Variants in AGBL4 observed in about 807,000 individuals in gnomAD.
AGBL4 encodes the protein cytosolic carboxypeptidase 6.
AGBL4 carries 58 observed loss-of-function variants against 66.4 expected under a neutral mutation model. The observed-to-expected ratio is 0.87, with a 90% confidence interval of 0.71 to 1.09. The LOEUF is 1.09. Among genes scored for constraint, AGBL4 ranks in the 50% least tolerant of loss-of-function variants. AGBL4 has a pLI of 0.00. For synonymous variants in AGBL4, 234 were observed against 222.9 expected (o/e 1.05, Z -0.44); for missense variants, 579 against 631.0 (o/e 0.92, Z 0.88).
chr1:48,713,269 T>A (rs1195934877), intron 6 of AGBL4, among the ~76,000 whole-genome samples: 1 of 152,106 alleles, frequency 6.6e-6, no homozygotes, highest in Non-Finnish European at 1.5e-5. Flanking sequence ...AGAAAGATGG[T>A]TCCTGGGCTG....
intron 3 of AGBL4, among the ~76,000 whole-genome samples, chr1:49,375,844 C>T (rs893061976): frequency 6.6e-6 from 1 of 152,032 alleles, no homozygotes; most frequent in Admixed American, 6.6e-5. Context: ...TCACGCAAGG[C>T]CTTCTCTGCC....
intron 6 of AGBL4, among the ~76,000 whole-genome samples, chr1:48,679,866 T>C (rs1646426649): frequency 1.3e-5 from 2 of 152,234 alleles, no homozygotes; most frequent in Non-Finnish European, 2.9e-5. Flanking sequence ...CCCACCCTGA[T>C]CTCTGCGGCC....
At chr1:49,423,489 T>C (rs1014464979) in intron 3 of AGBL4, among the ~76,000 whole-genome samples, 7 of 151,810 alleles carry the variant, frequency 4.6e-5, no homozygotes, top group African/African-American at 1.5e-4. Flanking sequence ...AGAAATCAAG[T>C]TGGTAGAAAA....
intron 2 of AGBL4, among the ~76,000 whole-genome samples, chr1:49,844,238 C>T (rs1370908645): frequency 2.0e-5 from 3 of 152,156 alleles, no homozygotes; most frequent in African/African-American, 4.8e-5. Flanking sequence ...CAGACTTTCC[C>T]CATGCAGCAC....
chr1:49,597,260 A>C (rs930597333), intron 3 of AGBL4, among the ~76,000 whole-genome samples: 2 of 152,230 alleles, frequency 1.3e-5, no homozygotes, highest in African/African-American at 4.8e-5. Context: ...TGCTGGACAA[A>C]ATAGACATTA....
chr1:49,883,756 AATTAC>A (rs1487999430), intron 1 of AGBL4, among the ~76,000 whole-genome samples: 1 of 152,034 alleles, frequency 6.6e-6, no homozygotes, highest in Non-Finnish European at 1.5e-5. Flanking sequence ...TAAGATAAAC[AATTAC>A]AATATAATGA....
chr1:49,743,970 G>T (rs1342556030), intron 2 of AGBL4, among the ~76,000 whole-genome samples: 1 of 151,468 alleles, frequency 6.6e-6, no homozygotes, highest in Non-Finnish European at 1.5e-5. Context: ...CGAGTTAGTG[G>T]GTGCAGCACA....
intron 5 of AGBL4, among the ~76,000 whole-genome samples, chr1:49,009,974 AG>A (rs1380355209): frequency 2.0e-5 from 3 of 152,098 alleles, no homozygotes; most frequent in Non-Finnish European, 2.9e-5. Context: ...GGCACAAGAC[AG>A]GGATGCCCTC....
At chr1:48,793,759 T>G (rs1645605792) in intron 6 of AGBL4, among the ~76,000 whole-genome samples, 2 of 151,840 alleles carry the variant, frequency 1.3e-5, no homozygotes, top group Non-Finnish European at 2.9e-5. Flanking sequence ...ATAATAACAT[T>G]ATTATCTCTA....
At chr1:49,407,777 G>T (rs962136856) in intron 3 of AGBL4, among the ~76,000 whole-genome samples, 2 of 152,182 alleles carry the variant, frequency 1.3e-5, no homozygotes, top group African/African-American at 4.8e-5. Context: ...TCAGTTCCAA[G>T]AAAAGATCCT....
intron 6 of AGBL4, among the ~76,000 whole-genome samples, chr1:48,808,762 C>T (rs1290786592): frequency 1.3e-5 from 2 of 152,170 alleles, no homozygotes; most frequent in East Asian, 1.9e-4. Flanking sequence ...CTGAAGGGAA[C>T]GTGCCAGAGA....
intron 3 of AGBL4, among the ~76,000 whole-genome samples, chr1:49,283,212 C>T (rs543109576): frequency 6.6e-6 from 1 of 152,274 alleles, no homozygotes; most frequent in African/African-American, 2.4e-5. Context: ...GGTCCCTGAC[C>T]CCTGACCCCC....
intron 5 of AGBL4, among the ~76,000 whole-genome samples, chr1:48,995,379 GGTCA>G: frequency 6.6e-6 from 1 of 152,230 alleles, no homozygotes; most frequent in South Asian, 2.1e-4. Flanking sequence ...GGATCTAATA[GGTCA>G]GTCTACAGAT....
chr1:49,146,357 A>G (rs1323649172), intron 4 of AGBL4, among the ~76,000 whole-genome samples: 1 of 152,124 alleles, frequency 6.6e-6, no homozygotes, highest in Non-Finnish European at 1.5e-5. Flanking sequence ...AAAATATCTC[A>G]TATACCCCAT....
chr1:49,587,887 T>C (rs1253624133), intron 3 of AGBL4, among the ~76,000 whole-genome samples: 1 of 152,024 alleles, frequency 6.6e-6, no homozygotes, highest in Non-Finnish European at 1.5e-5. Context: ...ACAAATACAT[T>C]GAAATAATGA....
At position 49,548,730 on chromosome 1, in the gene AGBL4, T is replaced by C. The variant is rs533046892; in HGVS notation, c.282+148583A>G. Reference sequence around the variant, plus strand: ...TATGTTCATCAAGGATATCAGTCTGTAGTTTTCTTTTTTGGTTAAGTCCTT... The same window carrying C: ...TATGTTCATCAAGGATATCAGTCTGCAGTTTTCTTTTTTGGTTAAGTCCTT... On this transcript the variant is annotated intron_variant, in intron 3 of 13. Coordinates refer to ENST00000371839, the MANE Select transcript of AGBL4 (RefSeq NM_032785.4). 3.3e-5 allele frequency among the ~76,000 whole-genome samples: 5 copies of C among 152,304 alleles called. No individual in the cohort carries two copies. In the East Asian group the frequency reaches 7.7e-4, roughly 24 times the overall value.
intron 3 of AGBL4, among the ~76,000 whole-genome samples, chr1:49,489,898 A>G (rs987558297): frequency 5.3e-5 from 8 of 151,690 alleles, no homozygotes; most frequent in Admixed American, 5.3e-4. Context: ...TTTTTATGCC[A>G]GTAGCATGCT....
intron 3 of AGBL4, among the ~76,000 whole-genome samples, chr1:49,521,032 C>T (rs1350992766): frequency 6.6e-6 from 1 of 152,110 alleles, no homozygotes; most frequent in South Asian, 2.1e-4. Context: ...TGGTCTTGTA[C>T]TCCCGACTTC....
intron 1 of AGBL4, among the ~76,000 whole-genome samples, chr1:49,898,268 G>A (rs892480425): frequency 1.3e-5 from 2 of 151,934 alleles, no homozygotes; most frequent in African/African-American, 4.8e-5. Context: ...TCTACAGGGG[G>A]AAAAAGAGCT....
Sources: gnomAD v4.1 joint callset for allele counts (sites outside exome capture counted in the v4.1 genomes callset) on GRCh38, gnomAD v4.1.1 for gene constraint, MANE v1.5 for transcripts, NCBI Gene and HGNC (gene_info 2026-07-23, HGNC 2026-07-21) for gene names.